Variants in ARHGEF28 observed in about 807,000 individuals in gnomAD.
ARHGEF28 encodes Rho guanine nucleotide exchange factor 28, also known as 190 kDa guanine nucleotide exchange factor.
ARHGEF28 carries 152 observed loss-of-function variants against 206.6 expected under a neutral mutation model. The ratio of observed to expected loss-of-function variants is 0.74; its 90% CI spans 0.64 to 0.84. The LOEUF is 0.84. Ranked by LOEUF, ARHGEF28 falls within the 40% of genes least tolerant of loss-of-function variation. The probability of loss-of-function intolerance (pLI) is 0.00; values close to 1 mark genes in which losing one functional copy is unlikely to be tolerated. For synonymous variants in ARHGEF28, 763 were observed against 776.4 expected (o/e 0.98, Z 0.29); for missense variants, 2,028 against 2,073.2 (o/e 0.98, Z 0.42).
At chr5:73,646,689 C>T (rs1395767713) in intron 1 of ARHGEF28, among the ~76,000 whole-genome samples, 1 of 152,174 alleles carries the variant, frequency 6.6e-6, no homozygotes, top group Non-Finnish European at 1.5e-5. Context: ...TTAAGATCTC[C>T]TTAAAAGTAT....
chr5:73,926,635 A>T lies in ARHGEF28; in HGVS notation c.4949-14209A>T, dbSNP rs755958377. On this transcript the variant is annotated intron_variant, in intron 35 of 35. Transcript: ENST00000513042. Reference sequence around the variant, plus strand: ...AGGCCTGCCACATGCAGCCACAGCCATCTCTTTCTGTGGACACCCTGGGCA... The same window carrying T: ...AGGCCTGCCACATGCAGCCACAGCCTTCTCTTTCTGTGGACACCCTGGGCA... Among the ~76,000 whole-genome samples, 6 of 152,196 alleles carry T rather than the reference A, an allele frequency of 3.9e-5. 1 individual carries two copies. Among genetic ancestry groups the T allele is most frequent in the Non-Finnish European group, 8.8e-5 (6 of 68,002 alleles).
intron 8 of ARHGEF28, 43 bp from the exon 9 acceptor site, chr5:73,795,288 A>G (rs1580628514): frequency 1.3e-6 from 2 of 1,561,180 alleles, no homozygotes. Flanking sequence ...AGTGTAGCAT[A>G]TATGTAATTT....
chr5:73,800,164 C>A lies in ARHGEF28; in HGVS notation c.1024+4773C>A, dbSNP rs183296428. Among the ~76,000 whole-genome samples the A allele has an allele frequency of 9.2e-4, 140 of 152,224 alleles. 1 individual carries two copies. Among genetic ancestry groups the A allele is most frequent in the African/African-American group, 3.0e-3 (125 of 41,540 alleles). The stretch of plus-strand genomic sequence containing the variant: ...TATATTTCCTACCAGCATTTTTTCT[C>A]ATGCATGCATTTCTTTTTTACGTAG... On this transcript the variant is annotated intron_variant, in intron 9 of 35. Coordinates refer to ENST00000513042, the MANE Select transcript of ARHGEF28 (RefSeq NM_001177693.2).
intron 1 of ARHGEF28, among the ~76,000 whole-genome samples, chr5:73,659,725 T>G (rs1215963165): frequency 6.6e-6 from 1 of 152,186 alleles, no homozygotes; most frequent in Admixed American, 6.5e-5. Flanking sequence ...AATATTGCAA[T>G]AAAATGAGTC....
intron 18 of ARHGEF28, among the ~76,000 whole-genome samples, chr5:73,866,665 G>A (rs1417702975): frequency 1.3e-5 from 2 of 152,158 alleles, no homozygotes; most frequent in East Asian, 1.9e-4. Flanking sequence ...TTCCTGAAGT[G>A]TATATTGCTG....
At chr5:73,731,015 A>AAC (rs1037547926) in intron 2 of ARHGEF28, among the ~76,000 whole-genome samples, 11 of 152,058 alleles carry the variant, frequency 7.2e-5, no homozygotes, top group Middle Eastern at 6.8e-3. Context: ...TTAAGCTAAA[A>AAC]AAAAAAAACC....
At chr5:73,747,170 G>C (rs184857567) in intron 2 of ARHGEF28, among the ~76,000 whole-genome samples, 202 of 152,250 alleles carry the variant, frequency 1.3e-3, no homozygotes, top group African/African-American at 4.3e-3. Context: ...GAGTGATTCT[G>C]ATATTTATGC....
chr5:73,668,905 G>T (rs920763108), intron 1 of ARHGEF28, among the ~76,000 whole-genome samples: 1 of 152,130 alleles, frequency 6.6e-6, no homozygotes, highest in African/African-American at 2.4e-5. Flanking sequence ...GTGAGTTATT[G>T]CCCCACTTCA....
chr5:73,784,492 A>T (rs1308038952), intron 7 of ARHGEF28, among the ~76,000 whole-genome samples: 2 of 152,134 alleles, frequency 1.3e-5, no homozygotes, highest in Non-Finnish European at 2.9e-5. Context: ...TTAATAAAAA[A>T]CCTGGCTCCA....
intron 35 of ARHGEF28, among the ~76,000 whole-genome samples, chr5:73,924,997 G>A (rs1763720895): frequency 6.6e-6 from 1 of 152,184 alleles, no homozygotes; most frequent in South Asian, 2.1e-4. Context: ...AAATTCAAAT[G>A]ACATATCCTA....
chr5:73,648,481 A>T (rs1411909391), intron 1 of ARHGEF28, among the ~76,000 whole-genome samples: 2 of 152,212 alleles, frequency 1.3e-5, no homozygotes, highest in Non-Finnish European at 2.9e-5. Context: ...TTTACATGTG[A>T]AACAGTATTA....
chr5:73,827,324 A>G (rs991156712), intron 9 of ARHGEF28, among the ~76,000 whole-genome samples: 2 of 152,178 alleles, frequency 1.3e-5, no homozygotes, highest in African/African-American at 4.8e-5. Flanking sequence ...TTGAATGTGT[A>G]ACATTATAGC....
chr5:73,818,011 A>G (rs751629545), intron 9 of ARHGEF28, among the ~76,000 whole-genome samples: 47 of 152,110 alleles, frequency 3.1e-4, no homozygotes, highest in Non-Finnish European at 5.0e-4. Flanking sequence ...ACTTAAACAC[A>G]TCATTGGATT....
chr5:73,829,828 A>C (rs978668396), intron 9 of ARHGEF28, among the ~76,000 whole-genome samples: 2 of 152,212 alleles, frequency 1.3e-5, no homozygotes, highest in African/African-American at 2.4e-5. Context: ...ATATAGGTGA[A>C]TATATCCATG....
intron 2 of ARHGEF28, among the ~76,000 whole-genome samples, chr5:73,746,676 C>A (rs1751737378): frequency 6.6e-6 from 1 of 152,122 alleles, no homozygotes; most frequent in African/African-American, 2.4e-5. Context: ...CATGTTTTTG[C>A]TCCTAATGGA....
intron 26 of ARHGEF28, among the ~76,000 whole-genome samples, chr5:73,888,254 A>C (rs1301607119): frequency 2.6e-5 from 4 of 152,354 alleles, no homozygotes; most frequent in East Asian, 3.9e-4. Flanking sequence ...TATTTTTACT[A>C]TAGTAGCTTC....
intron 9 of ARHGEF28, among the ~76,000 whole-genome samples, chr5:73,822,384 G>C (rs1423015071): frequency 2.0e-5 from 3 of 152,166 alleles, no homozygotes; most frequent in African/African-American, 7.2e-5. Flanking sequence ...GGTGAACAGA[G>C]GTTCCCTGGG....
Position 73,773,865 on chromosome 5 carries a change from C to A in ARHGEF28, c.486C>A (p.His162Gln). 1 of 1,600,502 alleles carries A rather than the reference C, an allele frequency of 6.2e-7. No homozygotes were observed. The highest frequency in any genetic ancestry group is 1.1e-5 in the South Asian group (1 of 87,776). ...TTTTTTCCTCTTCAGTATCTTCTCA[C>A]AGAGAATCTCTTCTACACCTGGCTA... is the stretch of plus-strand genomic sequence containing the variant. ...LGSSSLEVSS[H>Q]RESLLHLAMR... The change falls in exon 5 of 36, where the codon CAC becomes CAA. Residue 162 changes from histidine to glutamine, a missense_variant. Physicochemically the swap from His to Gln is conservative, Grantham distance 24. Coordinates refer to ENST00000513042, the MANE Select transcript of ARHGEF28 (RefSeq NM_001177693.2).
intron 2 of ARHGEF28, among the ~76,000 whole-genome samples, chr5:73,690,515 T>C (rs889637298): frequency 7.4e-6 from 1 of 135,284 alleles, no homozygotes; most frequent in African/African-American, 2.9e-5. Context: ...ATTGTAAGAC[T>C]CTGTCTTTAC....
Sources: gnomAD v4.1 joint callset for allele counts (sites outside exome capture counted in the v4.1 genomes callset) on GRCh38, gnomAD v4.1.1 for gene constraint, MANE v1.5 for transcripts, NCBI Gene and HGNC (gene_info 2026-07-23, HGNC 2026-07-21) for gene names.